NTN1: variants seen among roughly 807,000 people sequenced by gnomAD.
NTN1 encodes the protein netrin 1.
NTN1 carries 11 observed loss-of-function variants against 54.2 expected under a neutral mutation model. The observed-to-expected ratio is 0.20, with a 90% CI of 0.13 to 0.34. NTN1 has a LOEUF of 0.34. Ranked by LOEUF, NTN1 falls within the 10% of genes least tolerant of loss-of-function variation. The pLI is 1.00. For synonymous variants in NTN1, 371 were observed against 382.0 expected (o/e 0.97, Z 0.33); for missense variants, 740 against 893.1 (o/e 0.83, Z 2.18).
intron 2 of NTN1, among the ~76,000 whole-genome samples, chr17:9,101,210 A>G (rs1442520047): frequency 2.6e-5 from 4 of 152,186 alleles, no homozygotes; most frequent in African/African-American, 9.7e-5. Flanking sequence ...CTCTAATTCA[A>G]TGCTTGTCAT....
chr17:9,026,600 C>A (rs564363181), intron 2 of NTN1, among the ~76,000 whole-genome samples: 1 of 151,984 alleles, frequency 6.6e-6, no homozygotes, highest in African/African-American at 2.4e-5. Flanking sequence ...ACATTCAAGG[C>A]AAAATGCATG....
chr17:9,123,803 G>A (rs1597496171), intron 2 of NTN1, among the ~76,000 whole-genome samples: 1 of 152,252 alleles, frequency 6.6e-6, no homozygotes, highest in African/African-American at 2.4e-5. Flanking sequence ...TCCTATCACA[G>A]TTCTGATTCT....
chr17:9,061,441 G>A lies in NTN1; in HGVS notation c.1018+38050G>A, dbSNP rs148382064. Among the ~76,000 whole-genome samples the A allele has an allele frequency of 6.0e-3, 919 of 152,240 alleles. 6 individuals carry two copies. The highest frequency in any genetic ancestry group is 7.4e-3 in the Non-Finnish European group (504 of 68,004). On this transcript the variant is annotated intron_variant, in intron 2 of 6. Transcript: ENST00000173229. The stretch of plus-strand genomic sequence containing the variant: ...CATAGGAGGAGATGGAGCAGAGACC[G>A]GGTATGGGCAAGGTGGTGGCCAGGC...
chr17:9,022,365 G>C lies in NTN1; in HGVS notation c.-9G>C. 1 of 1,295,922 alleles carries C rather than the reference G, an allele frequency of 7.7e-7. No individual in the cohort carries two copies. Among genetic ancestry groups the C allele is most frequent in the Non-Finnish European group, 9.7e-7 (1 of 1,029,088 alleles). 80.3% of individuals were successfully genotyped at this position (1,295,922 alleles called of 1,614,324 possible). A position where few individuals can be genotyped will look rare whatever the true frequency, so the allele number is the denominator to read the frequency against. On this transcript the variant is annotated 5_prime_UTR_variant, in exon 2 of 7. Transcript: ENST00000173229. ...CGGCGCGGCAGGGCCGGGGCAAGCT[G>C]GACGCAGCATGATGCGCGCAGTGTG...
Position 9,240,157 on chromosome 17 carries a change from C to T in NTN1, c.*189C>T, listed in dbSNP as rs1906154437. Reference sequence around the variant, plus strand: ...CCTCCCCCTACCCCCACCCTGCGCGCTCTGGGCGGGAGCCGCGTGCACGCG... The same window carrying T: ...CCTCCCCCTACCCCCACCCTGCGCGTTCTGGGCGGGAGCCGCGTGCACGCG... On this transcript the variant is annotated 3_prime_UTR_variant, in exon 7 of 7. Coordinates refer to ENST00000173229, the MANE Select transcript of NTN1 (RefSeq NM_004822.3). The T allele has an allele frequency of 4.3e-6, 1 of 234,358 alleles. No homozygotes were observed. The highest frequency in any genetic ancestry group is 1.6e-4 in the South Asian group (1 of 6,410). 14.5% of individuals were successfully genotyped at this position (234,358 alleles called of 1,614,324 possible).
At chr17:9,159,806 A>G (rs535258830) in intron 2 of NTN1, among the ~76,000 whole-genome samples, 87 of 152,196 alleles carry the variant, frequency 5.7e-4, no homozygotes, top group Non-Finnish European at 9.9e-4. Flanking sequence ...ATCTCAAATA[A>G]ATAAATAAAT....
At chr17:9,164,267 A>G (rs1268697861) in intron 3 of NTN1, among the ~76,000 whole-genome samples, 1 of 152,222 alleles carries the variant, frequency 6.6e-6, no homozygotes, top group Admixed American at 6.5e-5. Flanking sequence ...TCCACTAAAA[A>G]TAGCAAAATT....
chr17:9,006,087 G>A, the NTN1 span, among the ~76,000 whole-genome samples: 1 of 151,782 alleles, frequency 6.6e-6, no homozygotes. Context: ...CTGGGGTTTG[G>A]AGGTGTGAAG....
chr17:9,131,053 C>G lies in NTN1; in HGVS notation c.1019-31760C>G, dbSNP rs150785388. ...CAGTGATGGCCTCCTTGCTCTTTCT[C>G]CGCTCTGCCAGGCACACTCTTAACT... On this transcript the variant is annotated intron_variant, in intron 2 of 6. Transcript: ENST00000173229. Among the ~76,000 whole-genome samples, 221 of 152,320 alleles carry G rather than the reference C, an allele frequency of 1.5e-3. 1 individual carries two copies. Among genetic ancestry groups the G allele is most frequent in the Admixed American group, 4.4e-3 (68 of 15,304 alleles).
chr17:9,071,611 C>T (rs2092032270), intron 2 of NTN1, among the ~76,000 whole-genome samples: 3 of 152,216 alleles, frequency 2.0e-5, no homozygotes, highest in African/African-American at 7.2e-5. Flanking sequence ...ACCCCTGGGG[C>T]CAGTCCTACA....
At chr17:9,132,792 T>G (rs1238385276) in intron 2 of NTN1, among the ~76,000 whole-genome samples, 1 of 152,138 alleles carries the variant, frequency 6.6e-6, no homozygotes, top group Non-Finnish European at 1.5e-5. Flanking sequence ...GAGATTCACT[T>G]GAACCCAGGA....
chr17:9,088,408 C>G lies in NTN1; in HGVS notation c.1018+65017C>G, dbSNP rs74723711. Among the ~76,000 whole-genome samples, 700 of 152,242 alleles carry G rather than the reference C, an allele frequency of 4.6e-3. 5 individuals carry two copies. The highest frequency in any genetic ancestry group is 0.016 in the African/African-American group (650 of 41,550). ...GGGTAGGGTTGGGCCAGTCCTTTCC[C>G]CTCTCTGGGCTTCAGACTCCTTCTT... On this transcript the variant is annotated intron_variant, in intron 2 of 6. Transcript: ENST00000173229.
At chr17:9,156,724 T>C (rs2092343475) in intron 2 of NTN1, among the ~76,000 whole-genome samples, 1 of 152,220 alleles carries the variant, frequency 6.6e-6, no homozygotes, top group Admixed American at 6.5e-5. Flanking sequence ...AGCAGTCTAC[T>C]TGAGCAGACA....
intron 2 of NTN1, among the ~76,000 whole-genome samples, chr17:9,111,138 G>T (rs1044256449): frequency 1.3e-5 from 2 of 151,688 alleles, no homozygotes; most frequent in Admixed American, 6.6e-5. Context: ...GGGTTTCACC[G>T]TGTTGGCCAG....
chr17:9,138,486 T>C (rs559563448), intron 2 of NTN1, among the ~76,000 whole-genome samples: 14 of 152,254 alleles, frequency 9.2e-5, no homozygotes, highest in African/African-American at 3.4e-4. Flanking sequence ...TGCCTCTCCC[T>C]GACCTCAACC....
chr17:9,076,471 C>G (rs2092050173), intron 2 of NTN1, among the ~76,000 whole-genome samples: 1 of 152,178 alleles, frequency 6.6e-6, no homozygotes. Context: ...CTCCTGGGGT[C>G]AAGCAATCCT....
intron 2 of NTN1, among the ~76,000 whole-genome samples, chr17:9,161,519 G>T (rs1210632637): frequency 6.6e-6 from 1 of 152,020 alleles, no homozygotes; most frequent in East Asian, 1.9e-4. Context: ...GTGGCTCACG[G>T]CTATCATCCC....
chr17:9,205,782 C>T (rs1462243514), intron 5 of NTN1, among the ~76,000 whole-genome samples: 5 of 152,240 alleles, frequency 3.3e-5, no homozygotes, highest in African/African-American at 4.8e-5. Context: ...GGGCCCCCAC[C>T]GGCCAGTGAC....
chr17:9,161,559 C>T (rs1387255022), intron 2 of NTN1, among the ~76,000 whole-genome samples: 3 of 152,106 alleles, frequency 2.0e-5, no homozygotes, highest in African/African-American at 7.2e-5. Flanking sequence ...GTGGGAAGGT[C>T]ACAAGGTCAG....
Sources: allele counts gnomAD v4.1 joint callset (sites outside exome capture counted in the v4.1 genomes callset), GRCh38; gene constraint gnomAD v4.1.1; transcripts MANE v1.5; gene names NCBI Gene and HGNC (gene_info 2026-07-23, HGNC 2026-07-21).